Variants in DLG2 observed in about 807,000 individuals in gnomAD.
DLG2 encodes the protein disks large homolog 2.
Under a neutral mutation model 132.5 loss-of-function variants are expected in DLG2, and 45 were observed. That is an observed-to-expected ratio of 0.34 (90% CI 0.27 to 0.44). The LOEUF (loss-of-function observed/expected upper bound fraction) is 0.44, where lower values mean the gene tolerates loss of function less well. DLG2 is among the 20% of genes least tolerant of loss of function. The pLI, the probability that DLG2 is intolerant of heterozygous loss-of-function variation, is 1.00. For missense variants in DLG2, 1,045 were observed against 1,196.9 expected (o/e 0.87, Z 1.87); for synonymous variants, 424 against 419.6 (o/e 1.01, Z -0.13).
At chr11:85,610,647 A>C (rs1348752709) in intron 2 of DLG2, among the ~76,000 whole-genome samples, 1 of 152,230 alleles carries the variant, frequency 6.6e-6, no homozygotes, top group Non-Finnish European at 1.5e-5. Context: ...TTTGGCTACC[A>C]GTTTGGAAGC....
intron 7 of DLG2, among the ~76,000 whole-genome samples, chr11:84,294,172 G>T (rs1353780843): frequency 6.6e-6 from 1 of 152,126 alleles, no homozygotes; most frequent in Non-Finnish European, 1.5e-5. Flanking sequence ...TTCTAACCTA[G>T]GTCCTTCTTG....
At chr11:85,411,018 C>T (rs1297328646) in intron 3 of DLG2, among the ~76,000 whole-genome samples, 1 of 151,622 alleles carries the variant, frequency 6.6e-6, no homozygotes. Flanking sequence ...GAAGGCATAG[C>T]TAATTTATCC....
rs143065797 is a variant in DLG2, at chr11:83,770,255, G to GTTTTTTTTTTTTTTTT, written c.1825+16434_1825+16435insAAAAAAAAAAAAAAAA. 5.1e-3 allele frequency among the ~76,000 whole-genome samples: 558 copies of GTTTTTTTTTTTTTTTT among 108,818 alleles called. 20 individuals carry two copies. The highest frequency in any genetic ancestry group is 8.7e-3 in the African/African-American group (210 of 24,138). The allele number at this position is 108,818 out of a possible 152,430, so 71.4% of individuals were successfully genotyped here. ...TACCTTTTGTCTCGTGGTGTCTGGT[G>GTTTTTTTTTTTTTTTT]TTTTTTTTTGTTTTTTTGCTTTTTG... On this transcript the variant is annotated intron_variant, in intron 18 of 27. Coordinates refer to ENST00000376104, the MANE Select transcript of DLG2 (RefSeq NM_001142699.3).
At chr11:85,265,606 C>A (rs1229221373) in intron 4 of DLG2, among the ~76,000 whole-genome samples, 2 of 152,340 alleles carry the variant, frequency 1.3e-5, no homozygotes, top group Admixed American at 6.5e-5. Context: ...AAACCTGCAG[C>A]CCAAAGTGAG....
intron 11 of DLG2, among the ~76,000 whole-genome samples, chr11:84,042,052 C>A (rs953547814): frequency 6.6e-6 from 1 of 151,910 alleles, no homozygotes; most frequent in Non-Finnish European, 1.5e-5. Flanking sequence ...TAAACAATTT[C>A]TTTTGTAAAA....
rs76542849 is a variant in DLG2 at position 84,719,449 on chromosome 11, G to T, written c.358-184718C>A. 6.0e-3 allele frequency among the ~76,000 whole-genome samples: 913 copies of T among 152,226 alleles called. 4 individuals carry two copies. The highest frequency in any genetic ancestry group is 0.01 in the Non-Finnish European group (690 of 68,018). On this transcript the variant is annotated intron_variant, in intron 6 of 27. Transcript: ENST00000376104. ...ATCCACTGGCTTTTCACAACAAAAA[G>T]AAGTGAAGACTTGTAACTTACAGTA...
At chr11:84,504,465 T>G (rs529733455) in intron 7 of DLG2, among the ~76,000 whole-genome samples, 1 of 152,316 alleles carries the variant, frequency 6.6e-6, no homozygotes, top group South Asian at 2.1e-4. Context: ...GATATTTTAG[T>G]TCAGCATGTA....
intron 3 of DLG2, among the ~76,000 whole-genome samples, chr11:85,316,091 T>C (rs115252875): frequency 8.2e-4 from 124 of 152,122 alleles, no homozygotes; most frequent in African/African-American, 2.8e-3. Context: ...TTAGCTGGGC[T>C]TGAGCACAGC....
chr11:84,569,280 G>A (rs2099470850), intron 6 of DLG2, among the ~76,000 whole-genome samples: 1 of 152,192 alleles, frequency 6.6e-6, no homozygotes, highest in South Asian at 2.1e-4. Context: ...AAAGGCCATA[G>A]CAGGGGCTGT....
chr11:85,398,594 G>T (rs1384275486), intron 3 of DLG2, among the ~76,000 whole-genome samples: 2 of 152,028 alleles, frequency 1.3e-5, no homozygotes, highest in African/African-American at 4.8e-5. Flanking sequence ...TGATAAAGGG[G>T]ATATCACCAC....
chr11:85,040,354 A>C (rs769158908), intron 6 of DLG2, among the ~76,000 whole-genome samples: 1 of 151,970 alleles, frequency 6.6e-6, no homozygotes, highest in Non-Finnish European at 1.5e-5. Flanking sequence ...TGTACCGTGT[A>C]ATGTTATGTT....
chr11:84,916,555 T>C (rs1218596467), intron 6 of DLG2, among the ~76,000 whole-genome samples: 1 of 152,028 alleles, frequency 6.6e-6, no homozygotes, highest in Non-Finnish European at 1.5e-5. Context: ...TTGTCCCCAG[T>C]CCCACTGGCA....
At chr11:84,543,116 T>C (rs1200100255) in intron 6 of DLG2, among the ~76,000 whole-genome samples, 1 of 152,182 alleles carries the variant, frequency 6.6e-6, no homozygotes, top group Non-Finnish European at 1.5e-5. Context: ...TTCAGTGCAA[T>C]GATCAGATCA....
chr11:84,790,219 C>A (rs73514919), intron 6 of DLG2, among the ~76,000 whole-genome samples: 2,316 of 152,222 alleles, frequency 0.015, 58 homozygotes, highest in African/African-American at 0.053. Flanking sequence ...TAGGAGAGTT[C>A]TCTTTTCCAC....
chr11:83,730,166 T>TTA (rs1197421685), intron 18 of DLG2, among the ~76,000 whole-genome samples: 1 of 149,930 alleles, frequency 6.7e-6, no homozygotes, highest in East Asian at 1.9e-4. Context: ...TTTTTTTTTT[T>TTA]TACAATGTTA....
intron 6 of DLG2, among the ~76,000 whole-genome samples, chr11:84,608,192 G>A (rs551663800): frequency 2.2e-4 from 33 of 152,272 alleles, no homozygotes; most frequent in Admixed American, 1.2e-3. Flanking sequence ...CCCTGGCACT[G>A]GCCAGTGAGC....
chr11:84,802,739 A>AG (rs1430650034), intron 6 of DLG2, among the ~76,000 whole-genome samples: 4 of 151,618 alleles, frequency 2.6e-5, no homozygotes, highest in African/African-American at 9.7e-5. Context: ...GTTCTGTGTT[A>AG]GGGGGGATGA....
intron 16 of DLG2, among the ~76,000 whole-genome samples, chr11:83,873,805 T>C (rs2063967123): frequency 1.3e-5 from 2 of 151,876 alleles, no homozygotes; most frequent in African/African-American, 2.4e-5. Flanking sequence ...AAGAGTTACA[T>C]CTTTTCAGGA....
chr11:85,342,856 A>C (rs1389030201), intron 3 of DLG2, among the ~76,000 whole-genome samples: 1 of 152,214 alleles, frequency 6.6e-6, no homozygotes, highest in Non-Finnish European at 1.5e-5. Flanking sequence ...CCAAAGCTTA[A>C]TATGTGTATG....
Sources: gnomAD v4.1 joint callset for allele counts (sites outside exome capture counted in the v4.1 genomes callset) on GRCh38, gnomAD v4.1.1 for gene constraint, MANE v1.5 for transcripts, NCBI Gene and HGNC (gene_info 2026-07-23, HGNC 2026-07-21) for gene names.